DPP10: variants seen among roughly 807,000 people sequenced by gnomAD.
DPP10 encodes the protein inactive dipeptidyl peptidase 10.
DPP10 carries 33 observed loss-of-function variants against 120.9 expected under a neutral mutation model. The observed-to-expected ratio is 0.27, with a 90% confidence interval of 0.21 to 0.37. DPP10 has a LOEUF of 0.37. Among genes scored for constraint, DPP10 ranks in the 10% least tolerant of loss-of-function variants. The pLI is 1.00. For missense variants in DPP10, 816 were observed against 942.8 expected (o/e 0.87, Z 1.76); for synonymous variants, 337 against 326.1 (o/e 1.03, Z -0.36).
chr2:115,065,580 A>G (rs1706766261), intron 1 of DPP10: 1 of 151,458 alleles, frequency 6.6e-6, no homozygotes, highest in Admixed American at 6.6e-5. Flanking sequence ...GGTTGATGGC[A>G]CTCTTCATCT....
At chr2:114,692,491 T>A (rs759424123) in intron 1 of DPP10, among the ~76,000 whole-genome samples, 6 of 151,990 alleles carry the variant, frequency 3.9e-5, no homozygotes, top group Non-Finnish European at 8.8e-5. Context: ...CTGAGGAGTG[T>A]TTTACTTCTG....
At chr2:115,320,842 A>G (rs1268435940) in intron 2 of DPP10, among the ~76,000 whole-genome samples, 1 of 152,118 alleles carries the variant, frequency 6.6e-6, no homozygotes, top group Non-Finnish European at 1.5e-5. Context: ...ATTATTGCCT[A>G]TATTTTTCCA....
intron 10 of DPP10, among the ~76,000 whole-genome samples, chr2:115,750,940 T>G (rs1678626029): frequency 6.6e-6 from 1 of 152,146 alleles, no homozygotes; most frequent in African/African-American, 2.4e-5. Flanking sequence ...ATTTTTAAAA[T>G]TATTCATGTT....
At chr2:115,511,339 A>C (rs2077212090) in intron 4 of DPP10, among the ~76,000 whole-genome samples, 1 of 152,082 alleles carries the variant, frequency 6.6e-6, no homozygotes, top group Admixed American at 6.6e-5. Context: ...TTTTGATCTA[A>C]ATAACTGAAT....
intron 1 of DPP10, among the ~76,000 whole-genome samples, chr2:114,539,000 G>C (rs1686736597): frequency 6.6e-6 from 1 of 152,086 alleles, no homozygotes; most frequent in Admixed American, 6.6e-5. Context: ...GTCCTTCAAA[G>C]GAGATGAGGA....
At chr2:114,795,644 T>G (rs1683644135) in intron 1 of DPP10, among the ~76,000 whole-genome samples, 1 of 152,264 alleles carries the variant, frequency 6.6e-6, no homozygotes, top group Admixed American at 6.5e-5. Context: ...ATACGCAGAT[T>G]TTTTTTCAAT....
chr2:114,934,269 A>G (rs1215960121), intron 1 of DPP10, among the ~76,000 whole-genome samples: 2 of 152,222 alleles, frequency 1.3e-5, no homozygotes, highest in African/African-American at 4.8e-5. Context: ...TTAACTACTA[A>G]TAGCCTCCTT....
At chr2:115,025,288 G>GT (rs1703380203) in intron 1 of DPP10, among the ~76,000 whole-genome samples, 1 of 151,950 alleles carries the variant, frequency 6.6e-6, no homozygotes, top group Admixed American at 6.6e-5. Flanking sequence ...TTCACCTAGC[G>GT]TAACAACTCC....
intron 19 of DPP10, among the ~76,000 whole-genome samples, chr2:115,799,512 C>T (rs1293953097): frequency 6.6e-6 from 1 of 151,524 alleles, no homozygotes; most frequent in Non-Finnish European, 1.5e-5. Context: ...TATACATGTG[C>T]CATGTTGGTG....
At chr2:115,461,466 A>G (rs1156354658) in intron 3 of DPP10, among the ~76,000 whole-genome samples, 1 of 152,144 alleles carries the variant, frequency 6.6e-6, no homozygotes, top group Non-Finnish European at 1.5e-5. Context: ...CATGGTGACT[A>G]TAGTTAACCG....
At chr2:115,267,381 T>A (rs1574230015) in intron 1 of DPP10, among the ~76,000 whole-genome samples, 1 of 152,316 alleles carries the variant, frequency 6.6e-6, no homozygotes, top group South Asian at 2.1e-4. Flanking sequence ...TGAAGAAATT[T>A]CTAATTTCAC....
At chr2:115,174,247 A>C (rs1019277412) in intron 1 of DPP10, among the ~76,000 whole-genome samples, 3 of 152,200 alleles carry the variant, frequency 2.0e-5, no homozygotes, top group African/African-American at 7.2e-5. Context: ...AAGATCTATA[A>C]GACAGTATTG....
At chr2:115,777,493 GCACA>G (rs144383890) in intron 14 of DPP10, among the ~76,000 whole-genome samples, 194 bp downstream of exon 14, 3 of 150,848 alleles carry the variant, frequency 2.0e-5, no homozygotes, top group Non-Finnish European at 3.0e-5. Flanking sequence ...GTGTGCACAC[GCACA>G]CACACACACA....
chr2:115,441,460 T>A (rs2072038532), intron 3 of DPP10, among the ~76,000 whole-genome samples: 1 of 152,176 alleles, frequency 6.6e-6, no homozygotes, highest in Admixed American at 6.6e-5. Flanking sequence ...TGTTTGTCAT[T>A]TGAAGTCAGA....
At chr2:115,829,421 A>C (rs1185878520) in intron 21 of DPP10, among the ~76,000 whole-genome samples, 4 of 152,098 alleles carry the variant, frequency 2.6e-5, no homozygotes, top group African/African-American at 9.7e-5. Context: ...AACATGCTTC[A>C]TTATAACTCA....
chr2:115,369,354 G>C (rs2065259936), intron 3 of DPP10, among the ~76,000 whole-genome samples: 1 of 151,934 alleles, frequency 6.6e-6, no homozygotes, highest in Admixed American at 6.6e-5. Flanking sequence ...TAATAAAAAA[G>C]GCATCTGCTT....
At chr2:114,751,316 C>CT (rs1446934189) in intron 1 of DPP10, among the ~76,000 whole-genome samples, 1 of 152,154 alleles carries the variant, frequency 6.6e-6, no homozygotes, top group African/African-American at 2.4e-5. Context: ...TTGCTAGTTA[C>CT]AAAGCTAGTA....
intron 1 of DPP10, among the ~76,000 whole-genome samples, chr2:115,289,503 A>AAAAAAAAAAAAAAT (rs70941042): frequency 2.1e-5 from 2 of 96,266 alleles, no homozygotes; most frequent in African/African-American, 8.4e-5. Flanking sequence ...AAAAAAAAAA[A>AAAAAAAAAAAAAAT]AGGAAGAAAA....
intron 1 of DPP10, among the ~76,000 whole-genome samples, chr2:114,869,485 G>T (rs1482382938): frequency 6.6e-6 from 1 of 152,246 alleles, no homozygotes; most frequent in Non-Finnish European, 1.5e-5. Context: ...CCCAGGTTCA[G>T]AAAACTACCA....
Sources: allele counts gnomAD v4.1 joint callset (sites outside exome capture counted in the v4.1 genomes callset), GRCh38; gene constraint gnomAD v4.1.1; transcripts MANE v1.5; gene names NCBI Gene and HGNC (gene_info 2026-07-23, HGNC 2026-07-21).